The following TTC28 variants were observed in gnomAD, a reference collection of about 807,000 sequenced individuals.
TTC28 encodes tetratricopeptide repeat domain 28, also known as tetratricopeptide repeat protein 28.
TTC28 carries 61 observed loss-of-function variants against 198.0 expected under a neutral mutation model. That is an observed-to-expected ratio of 0.31 (90% confidence interval 0.25 to 0.38). TTC28 has a LOEUF of 0.38. Among genes scored for constraint, TTC28 ranks in the 10% least tolerant of loss-of-function variants. The pLI, the probability that TTC28 is intolerant of heterozygous loss-of-function variation, is 1.00. For synonymous variants in TTC28, 1,171 were observed against 1,297.8 expected (o/e 0.90, Z 2.10); for missense variants, 2,678 against 3,164.0 (o/e 0.85, Z 3.69).
intron 12 of TTC28, among the ~76,000 whole-genome samples, chr22:28,030,611 T>G (rs1329024789): frequency 6.6e-6 from 1 of 152,242 alleles, no homozygotes; most frequent in Non-Finnish European, 1.5e-5. Context: ...GACTCTGCTG[T>G]GAACTCTCTA....
chr22:28,306,578 A>G lies in TTC28; in HGVS notation c.447T>C (p.Phe149=), dbSNP rs2045149982. The change falls in exon 3 of 23, where the codon TTT becomes TTC. Residue 149 remains phenylalanine, a synonymous_variant. Coordinates refer to ENST00000397906, the MANE Select transcript of TTC28 (RefSeq NM_001145418.2). ...TGGGGTCTTGAGCCAGTCCAGATGC[A>G]AAGGCTGCCAGGGCATCGGCATGAC... ...LGRHADALAA[F]ASGLAQDPKS... 1.3e-6 allele frequency: 2 copies of G among 1,551,604 alleles called. No individual in the cohort carries two copies. Among genetic ancestry groups the G allele is most frequent in the Non-Finnish European group, 1.7e-6 (2 of 1,146,964 alleles).
intron 1 of TTC28, among the ~76,000 whole-genome samples, chr22:28,672,379 G>A (rs2055743713): frequency 6.6e-6 from 1 of 151,922 alleles, no homozygotes; most frequent in Non-Finnish European, 1.5e-5. Context: ...TATTGGCCAG[G>A]CTGGTCTTGA....
At position 28,096,185 on chromosome 22, in the gene TTC28, C is replaced by T; in HGVS notation, c.3766+5G>A. The T allele has an allele frequency of 6.5e-7, 1 of 1,536,250 alleles. No individual in the cohort carries two copies. The highest frequency in any genetic ancestry group is 8.8e-7 in the Non-Finnish European group (1 of 1,137,998). ...TTGCCCTGTTCCCACAGAAAGAGAT[C>T]TTACCTGCCCCAGGAGCCAGCAGCC... On this transcript the variant is annotated splice_donor_5th_base_variant and intron_variant, in intron 11 of 22. Coordinates refer to ENST00000397906, the MANE Select transcript of TTC28 (RefSeq NM_001145418.2).
intron 13 of TTC28, among the ~76,000 whole-genome samples, chr22:28,019,711 T>A (rs1378235822): frequency 1.3e-5 from 2 of 152,190 alleles, no homozygotes; most frequent in African/African-American, 4.8e-5. Context: ...CTTTAGAGTG[T>A]ATATAGTATT....
At chr22:28,652,689 C>T (rs2051582249) in intron 1 of TTC28, among the ~76,000 whole-genome samples, 1 of 152,098 alleles carries the variant, frequency 6.6e-6, no homozygotes, top group African/African-American at 2.4e-5. Context: ...ATAATTTGTT[C>T]CAGGCTGAAA....
At chr22:28,252,987 C>T (rs999749104) in intron 5 of TTC28, among the ~76,000 whole-genome samples, 4 of 152,002 alleles carry the variant, frequency 2.6e-5, no homozygotes, top group African/African-American at 9.7e-5. Flanking sequence ...TTTCCTGAAA[C>T]ACTCAAATCA....
chr22:28,039,330 C>T (rs1239225337), intron 12 of TTC28, among the ~76,000 whole-genome samples: 1 of 152,102 alleles, frequency 6.6e-6, no homozygotes, highest in Non-Finnish European at 1.5e-5. Context: ...CCATGGAATA[C>T]TATGCAGCCA....
intron 2 of TTC28, among the ~76,000 whole-genome samples, chr22:28,392,656 C>T (rs1177617573): frequency 1.3e-5 from 2 of 152,220 alleles, no homozygotes; most frequent in African/African-American, 4.8e-5. Context: ...AACTCCCTGA[C>T]TCCTTGCGCT....
At chr22:28,321,510 G>A (rs552378845) in intron 2 of TTC28, among the ~76,000 whole-genome samples, 1 of 152,280 alleles carries the variant, frequency 6.6e-6, no homozygotes, top group East Asian at 1.9e-4. Flanking sequence ...AGTGTGGAAA[G>A]TGGAGAGAGA....
rs148636597 is a variant in TTC28, at chr22:28,484,432, T to A, written c.381+145120A>T. On this transcript the variant is annotated intron_variant, in intron 2 of 22. Coordinates refer to ENST00000397906, the MANE Select transcript of TTC28 (RefSeq NM_001145418.2). ...CAGCCCCCAAAGTTTTATTAAAAGC[T>A]TTATGACTCCATCACTTCAGAATGT... Among the ~76,000 whole-genome samples the A allele has an allele frequency of 7.0e-3, 1,064 of 152,300 alleles. 12 individuals are homozygous for A. The highest frequency in any genetic ancestry group is 0.025 in the African/African-American group (1,027 of 41,574).
chr22:28,005,358 G>A lies in TTC28; in HGVS notation c.4219-3805C>T, dbSNP rs1041847907. 1.3e-5 allele frequency among the ~76,000 whole-genome samples: 2 copies of A among 152,242 alleles called. No homozygotes were observed. The highest frequency in any genetic ancestry group is 2.9e-5 in the Non-Finnish European group (2 of 68,034). On this transcript the variant is annotated intron_variant, in intron 14 of 22. Coordinates refer to ENST00000397906, the MANE Select transcript of TTC28 (RefSeq NM_001145418.2). This position sits in a 1 kb window ranked among gnomAD's most constrained non-coding sequence, Gnocchi z 4.9. Reference sequence around the variant, plus strand: ...TGAAGGTGCAGTCTTTGTACAAGGAGAGGGTTGTTCCTTCTGACAGGGTGG... The same window carrying A: ...TGAAGGTGCAGTCTTTGTACAAGGAAAGGGTTGTTCCTTCTGACAGGGTGG...
intron 12 of TTC28, among the ~76,000 whole-genome samples, chr22:28,066,040 C>A (rs1940732804): frequency 6.6e-6 from 1 of 152,180 alleles, no homozygotes; most frequent in Admixed American, 6.5e-5. Context: ...CTTGTACGCA[C>A]AATATTTCTT....
At chr22:28,135,468 G>A (rs1943177776) in intron 6 of TTC28, among the ~76,000 whole-genome samples, 1 of 152,176 alleles carries the variant, frequency 6.6e-6, no homozygotes, top group Non-Finnish European at 1.5e-5. Context: ...AGAGCTAGGA[G>A]GAGTTTTAGA....
intron 2 of TTC28, among the ~76,000 whole-genome samples, chr22:28,515,810 C>T (rs2048774405): frequency 6.6e-6 from 1 of 152,026 alleles, no homozygotes; most frequent in Admixed American, 6.6e-5. Flanking sequence ...ATTTACAAAA[C>T]ATTATGTTAA....
intron 2 of TTC28, among the ~76,000 whole-genome samples, chr22:28,475,372 C>G (rs1235580067): frequency 6.6e-6 from 1 of 151,970 alleles, no homozygotes; most frequent in African/African-American, 2.4e-5. Context: ...TTTGACACAC[C>G]AATTAAACTA....
intron 2 of TTC28, among the ~76,000 whole-genome samples, chr22:28,445,070 C>T (rs1251966416): frequency 6.6e-6 from 1 of 152,196 alleles, no homozygotes; most frequent in Non-Finnish European, 1.5e-5. Flanking sequence ...ATCTACAACA[C>T]CATTATTATT....
chr22:28,385,446 C>CT (rs1569295989), intron 2 of TTC28, among the ~76,000 whole-genome samples: 1 of 151,316 alleles, frequency 6.6e-6, no homozygotes, highest in Non-Finnish European at 1.5e-5. Context: ...TTTTAATATA[C>CT]TTTTTTACAG....
chr22:28,105,321 C>T lies in TTC28; in HGVS notation c.3265G>A (p.Ala1089Thr). Reference sequence around the variant, plus strand: ...ACTGCTTGGGAATAGTTCTGCAAGGCATGATGGGTCCTTCCAAGGCTACTA... The same window carrying T: ...ACTGCTTGGGAATAGTTCTGCAAGGTATGATGGGTCCTTCCAAGGCTACTA... ...SYSSLGRTHH[A>T]LQNYSQAVMY... Residue 1089 changes from alanine (A) to threonine (T), a missense_variant, in exon 8 of 23, where the codon GCC becomes ACC. By Grantham distance (58) the Ala-to-Thr change is moderately conservative. This residue lies in a region of TTC28 where 727 missense variants were observed against 861.9 expected (regional missense o/e 0.84). Transcript: ENST00000397906. 1 of 1,551,738 alleles carries T rather than the reference C, an allele frequency of 6.4e-7. No homozygotes were observed. Among genetic ancestry groups the T allele is most frequent in the Non-Finnish European group, 8.7e-7 (1 of 1,146,996 alleles).
At chr22:28,488,265 T>C (rs1049403953) in intron 2 of TTC28, among the ~76,000 whole-genome samples, 2 of 152,156 alleles carry the variant, frequency 1.3e-5, no homozygotes, top group African/African-American at 4.8e-5. Flanking sequence ...CTCCTGCATA[T>C]TTCCCACACT....
Sources: allele counts gnomAD v4.1 joint callset (sites outside exome capture counted in the v4.1 genomes callset), GRCh38; gene constraint gnomAD v4.1.1; regional missense constraint gnomAD v4.1.1; non-coding constraint Gnocchi (gnomAD v3.1); transcripts MANE v1.5; gene names NCBI Gene and HGNC (gene_info 2026-07-23, HGNC 2026-07-21).